MGST1: variants seen among roughly 807,000 people sequenced by gnomAD.
MGST1 encodes glutathione S-transferase 12.
A neutral mutation model predicts 8.9 loss-of-function variants in MGST1; 5 were observed. The observed-to-expected ratio is 0.56, with a 90% CI of 0.29 to 1.19. MGST1 has a LOEUF of 1.19. MGST1 is among the 50% of genes most tolerant of loss of function. The pLI is 0.08. For synonymous variants in MGST1, 54 were observed against 67.8 expected (o/e 0.80, Z 1.00); for missense variants, 182 against 187.4 (o/e 0.97, Z 0.17).
intron 4 of MGST1, among the ~76,000 whole-genome samples, chr12:16,492,078 G>T (rs1941443006): frequency 6.6e-6 from 1 of 152,082 alleles, no homozygotes; most frequent in African/African-American, 2.4e-5. Flanking sequence ...GTATAAATAT[G>T]TATGCCAGTG....
intron 4 of MGST1, among the ~76,000 whole-genome samples, chr12:16,583,903 A>G (rs1221573996): frequency 6.6e-6 from 1 of 152,194 alleles, no homozygotes; most frequent in Non-Finnish European, 1.5e-5. Flanking sequence ...AGAAAGAGAC[A>G]TGACAGGAGA....
chr12:16,364,694 C>T (rs1940152748), downstream of MGST1, among the ~76,000 whole-genome samples: 1 of 152,120 alleles, frequency 6.6e-6, no homozygotes, highest in African/African-American at 2.4e-5. This position sits in a 1 kb window ranked among gnomAD's most constrained non-coding sequence, Gnocchi z 5.7. Flanking sequence ...ACCCAAGACA[C>T]TTAGTATTAA....
chr12:16,579,614 T>C (rs1188529799), intron 4 of MGST1, among the ~76,000 whole-genome samples: 1 of 152,180 alleles, frequency 6.6e-6, no homozygotes, highest in Non-Finnish European at 1.5e-5. Context: ...ATCACGTTGG[T>C]GGAATCCTTT....
chr12:16,529,045 A>G (rs574599768), intron 4 of MGST1, among the ~76,000 whole-genome samples: 1 of 152,182 alleles, frequency 6.6e-6, no homozygotes, highest in Non-Finnish European at 1.5e-5. Flanking sequence ...TAAACCATTC[A>G]TTAATCCACT....
chr12:16,572,975 G>A (rs1942865968), intron 4 of MGST1, among the ~76,000 whole-genome samples: 1 of 151,568 alleles, frequency 6.6e-6, no homozygotes, highest in Admixed American at 6.6e-5. Context: ...AATCCACAAT[G>A]CTTGAAAGTA....
intron 1 of MGST1, among the ~76,000 whole-genome samples, chr12:16,433,530 T>A (rs1453604614): frequency 6.6e-6 from 1 of 151,998 alleles, no homozygotes; most frequent in Non-Finnish European, 1.5e-5. Flanking sequence ...GCAGTAGAAA[T>A]TTTCTCTTAT....
chr12:16,492,035 A>G (rs1158174570), intron 4 of MGST1, among the ~76,000 whole-genome samples: 1 of 152,162 alleles, frequency 6.6e-6, no homozygotes, highest in African/African-American at 2.4e-5. Context: ...ACATAGTTAT[A>G]TGGACTACAC....
At chr12:16,479,535 C>CTTTTT (rs71054820) in intron 4 of MGST1, among the ~76,000 whole-genome samples, 59,244 of 112,430 alleles carry the variant, frequency 0.53, 16,848 homozygotes, top group Non-Finnish European at 0.62. Flanking sequence ...CGCCCGGCCT[C>CTTTTT]TTTTTTTTTT....
In MGST1 at chr12:16,357,704, A is replaced by G; in HGVS notation, c.221+5A>G. ...CAGAGTAGAACGTGTACGCAGGTAA[A>G]CCAGTGTCTCTTGAAATTACTTACT... On this transcript the variant is annotated splice_donor_5th_base_variant and intron_variant, in intron 3 of 3. Coordinates refer to ENST00000396210, the MANE Select transcript of MGST1 (RefSeq NM_020300.5). 1 of 1,607,166 alleles carries G rather than the reference A, an allele frequency of 6.2e-7. No homozygotes were observed.
intron 4 of MGST1, among the ~76,000 whole-genome samples, chr12:16,524,348 A>T (rs1330955135): frequency 6.6e-6 from 1 of 152,098 alleles, no homozygotes; most frequent in Non-Finnish European, 1.5e-5. Flanking sequence ...GAAAAAAAAA[A>T]TACTTCCAAA....
intron 4 of MGST1, among the ~76,000 whole-genome samples, chr12:16,529,359 CT>C (rs1279807857): frequency 1.3e-5 from 2 of 151,992 alleles, no homozygotes; most frequent in Non-Finnish European, 1.5e-5. Flanking sequence ...TAATTATTGA[CT>C]TATTTTGTGC....
chr12:16,380,925 G>A (rs549524627), downstream of MGST1, among the ~76,000 whole-genome samples: 10 of 152,168 alleles, frequency 6.6e-5, no homozygotes, highest in Admixed American at 5.9e-4. Flanking sequence ...TTTGATCTTT[G>A]TTGGTTTAAA....
At position 16,560,240 on chromosome 12, in the gene MGST1, A is replaced by G. The variant is rs77650486; in HGVS notation, n.483-29288A>G. ...TTTCTTTCAGGTAGAAGTAAGTCTT[A>G]AGACCTTTCTTCTCCTTAGTAGCTT... On this transcript the variant is annotated intron_variant and non_coding_transcript_variant, in intron 4 of 4. Transcript: ENST00000538857. This position sits in a 1 kb window ranked among gnomAD's most constrained non-coding sequence, Gnocchi z 5.0. Among the ~76,000 whole-genome samples the G allele has an allele frequency of 0.12, 18,292 of 152,190 alleles. 1,508 individuals carry two copies. Among genetic ancestry groups the G allele is most frequent in the Non-Finnish European group, 0.17 (11,615 of 67,986 alleles).
chr12:16,527,885 T>G (rs1699505545), intron 4 of MGST1, among the ~76,000 whole-genome samples: 1 of 152,034 alleles, frequency 6.6e-6, no homozygotes, highest in South Asian at 2.1e-4. Flanking sequence ...TTAATTTTTC[T>G]AAGCACTGTA....
At chr12:16,385,443 A>C (rs1405204066) in intron 1 of MGST1, among the ~76,000 whole-genome samples, 1 of 150,630 alleles carries the variant, frequency 6.6e-6, no homozygotes, top group Non-Finnish European at 1.5e-5. Flanking sequence ...AATTGTATAT[A>C]ATATTTGATC....
At chr12:16,490,313 C>T (rs1591743677) in intron 4 of MGST1, among the ~76,000 whole-genome samples, 1 of 152,116 alleles carries the variant, frequency 6.6e-6, no homozygotes. Flanking sequence ...GGCCATTGCT[C>T]TTTTCCTTCT....
At chr12:16,542,494 C>T (rs1025241897) in intron 4 of MGST1, among the ~76,000 whole-genome samples, 1 of 152,144 alleles carries the variant, frequency 6.6e-6, no homozygotes, top group Non-Finnish European at 1.5e-5. Flanking sequence ...TTTTGTAAGT[C>T]TGTTTGCTAC....
chr12:16,434,208 A>G (rs1396663043), intron 1 of MGST1, among the ~76,000 whole-genome samples: 3 of 152,138 alleles, frequency 2.0e-5, no homozygotes, highest in Non-Finnish European at 2.9e-5. Flanking sequence ...TAATGAATGG[A>G]TGAAATGATC....
chr12:16,480,828 T>C (rs1302174588), intron 4 of MGST1, among the ~76,000 whole-genome samples: 1 of 152,154 alleles, frequency 6.6e-6, no homozygotes, highest in African/African-American at 2.4e-5. Flanking sequence ...CCCAGTGCTT[T>C]GGGAGGCCCA....
Sources: allele counts gnomAD v4.1 joint callset (sites outside exome capture counted in the v4.1 genomes callset), GRCh38; gene constraint gnomAD v4.1.1; non-coding constraint Gnocchi (gnomAD v3.1); transcripts MANE v1.5; gene names NCBI Gene and HGNC (gene_info 2026-07-23, HGNC 2026-07-21).